The following GRID2 variants were observed in gnomAD, a reference collection of about 807,000 sequenced individuals.
GRID2 encodes glutamate receptor ionotropic, delta-2.
GRID2 carries 33 observed loss-of-function variants against 114.8 expected under a neutral mutation model. The ratio of observed to expected loss-of-function variants is 0.29; its 90% CI spans 0.22 to 0.38. The LOEUF (loss-of-function observed/expected upper bound fraction) is 0.38, where lower values mean the gene tolerates loss of function less well. Among genes scored for constraint, GRID2 ranks in the 10% least tolerant of loss-of-function variants. The pLI is 1.00. For synonymous variants in GRID2, 505 were observed against 449.9 expected, an observed-to-expected ratio of 1.12 and a Z score of -1.55; for missense variants, 1,184 against 1,257.7, an observed-to-expected ratio of 0.94 and a Z score of 0.89.
At chr4:93,470,620 A>G (rs1724710654) in intron 11 of GRID2, among the ~76,000 whole-genome samples, 1 of 152,116 alleles carries the variant, frequency 6.6e-6, no homozygotes, top group African/African-American at 2.4e-5. Context: ...CATATTACAT[A>G]CGTGTGTGTA....
chr4:93,708,345 C>G (rs1288556344), intron 14 of GRID2, among the ~76,000 whole-genome samples: 1 of 151,920 alleles, frequency 6.6e-6, no homozygotes, highest in Non-Finnish European at 1.5e-5. Flanking sequence ...CTCTTTAGCT[C>G]TAATAATATT....
chr4:93,178,019 CTTT>C (rs895689517), intron 4 of GRID2, among the ~76,000 whole-genome samples: 7 of 151,648 alleles, frequency 4.6e-5, no homozygotes, highest in African/African-American at 1.5e-4. Context: ...ATTTCTCTCT[CTTT>C]GCTACCTTCG....
At chr4:93,542,942 A>G (rs1414288436) in intron 13 of GRID2, among the ~76,000 whole-genome samples, 2 of 152,158 alleles carry the variant, frequency 1.3e-5, no homozygotes, top group Non-Finnish European at 2.9e-5. Flanking sequence ...ATGAGCTTAC[A>G]GGTCATGAAA....
intron 10 of GRID2, among the ~76,000 whole-genome samples, chr4:93,436,982 T>C (rs1721146246): frequency 6.6e-6 from 1 of 152,156 alleles, no homozygotes; most frequent in African/African-American, 2.4e-5. Context: ...ATGTGTTATA[T>C]ATGCTTGGAA....
At chr4:92,812,873 C>G (rs369244719) in intron 2 of GRID2, among the ~76,000 whole-genome samples, 3 of 152,098 alleles carry the variant, frequency 2.0e-5, no homozygotes, top group African/African-American at 7.2e-5. Flanking sequence ...AGGTGTCTGA[C>G]AGTTCAGTCT....
At chr4:93,505,942 T>C (rs940020792) in intron 12 of GRID2, among the ~76,000 whole-genome samples, 6 of 152,160 alleles carry the variant, frequency 3.9e-5, no homozygotes, top group African/African-American at 1.4e-4. Context: ...CTCTTGCATC[T>C]GTATAACACC....
At chr4:92,946,491 T>TCCC (rs111410422) in intron 2 of GRID2, among the ~76,000 whole-genome samples, 1 of 151,886 alleles carries the variant, frequency 6.6e-6, no homozygotes, top group African/African-American at 2.4e-5. Flanking sequence ...TACCTTTTCT[T>TCCC]CCCCCCCAAA....
At chr4:92,864,084 A>C (rs1007216893) in intron 2 of GRID2, among the ~76,000 whole-genome samples, 2 of 152,206 alleles carry the variant, frequency 1.3e-5, no homozygotes, top group Non-Finnish European at 2.9e-5. Flanking sequence ...GTGTCTATCC[A>C]TAAATCATTT....
chr4:93,235,728 A>G (rs1746708604), intron 7 of GRID2, among the ~76,000 whole-genome samples: 1 of 152,208 alleles, frequency 6.6e-6, no homozygotes, highest in Admixed American at 6.6e-5. Context: ...TGAGCAAGGT[A>G]AGTAAATGCT....
rs574899858 is a variant in GRID2 at position 93,434,567 on chromosome 4, A to T, written c.1545+11599A>T. 4.6e-5 allele frequency among the ~76,000 whole-genome samples: 7 copies of T among 152,260 alleles called. No homozygotes were observed. The East Asian group carries it at 1.4e-3, about 29-fold the overall frequency. ...AGAAAACAAAAACAAAAACAAAAAA[A>T]AACAGCCTTTATTTCCATTTTCCCC... On this transcript the variant is annotated intron_variant, in intron 10 of 15. Coordinates refer to ENST00000282020, the MANE Select transcript of GRID2 (RefSeq NM_001510.4).
chr4:93,339,686 G>C (rs929838630), intron 8 of GRID2, among the ~76,000 whole-genome samples: 2 of 152,050 alleles, frequency 1.3e-5, no homozygotes, highest in African/African-American at 4.8e-5. Flanking sequence ...TTCTTTATCT[G>C]TATTAGCTCA....
At chr4:92,512,333 G>T (rs185582744) in intron 1 of GRID2, among the ~76,000 whole-genome samples, 2 of 151,866 alleles carry the variant, frequency 1.3e-5, no homozygotes, top group East Asian at 3.9e-4. Flanking sequence ...CTCTAAGCAT[G>T]GTTGTATAAA....
chr4:93,407,783 C>T (rs1371904988), intron 9 of GRID2, among the ~76,000 whole-genome samples: 6 of 82,132 alleles, frequency 7.3e-5, no homozygotes, highest in Non-Finnish European at 1.1e-4. Flanking sequence ...TCCTCATCCT[C>T]CTCGTCCTCC....
intron 4 of GRID2, among the ~76,000 whole-genome samples, chr4:93,169,398 TCA>T (rs1403723468): frequency 2.0e-5 from 3 of 152,188 alleles, no homozygotes; most frequent in African/African-American, 4.8e-5. Flanking sequence ...AATATGATAT[TCA>T]CAGTCTTACC....
chr4:92,591,532 A>G (rs1436690638), intron 2 of GRID2, among the ~76,000 whole-genome samples: 1 of 152,202 alleles, frequency 6.6e-6, no homozygotes, highest in Non-Finnish European at 1.5e-5. Context: ...AAAGGCAGAT[A>G]CCATATTAAC....
rs1232210159 is a variant in GRID2 at position 92,846,007 on chromosome 4, C to T, written c.245-238988C>T. Among the ~76,000 whole-genome samples, 4 of 152,140 alleles carry T rather than the reference C, an allele frequency of 2.6e-5. No homozygotes were observed. In the East Asian group the frequency reaches 7.7e-4, roughly 29 times the overall value. On this transcript the variant is annotated intron_variant, in intron 2 of 15. Transcript: ENST00000282020. ...CAAAGCTATTTAGGTTTTTTACCTC[C>T]ATTTTTGTCACTAGAGAAATCTATC... is the stretch of plus-strand genomic sequence containing the variant.
At chr4:93,336,624 C>T (rs1480887321) in intron 8 of GRID2, among the ~76,000 whole-genome samples, 2 of 152,158 alleles carry the variant, frequency 1.3e-5, no homozygotes, top group East Asian at 3.9e-4. Context: ...TTGACAATTG[C>T]TCCCCAAGGT....
At chr4:93,289,978 T>C (rs1561090672) in intron 8 of GRID2, among the ~76,000 whole-genome samples, 1 of 152,190 alleles carries the variant, frequency 6.6e-6, no homozygotes, top group Non-Finnish European at 1.5e-5. Context: ...GCAGCCAAGA[T>C]AGAGTTCAGA....
intron 11 of GRID2, among the ~76,000 whole-genome samples, chr4:93,479,219 T>C (rs1290195856): frequency 1.3e-5 from 2 of 152,016 alleles, no homozygotes; most frequent in Non-Finnish European, 2.9e-5. Context: ...ACTTTATTGC[T>C]AAAAAATGCT....
Sources: allele counts gnomAD v4.1 joint callset (sites outside exome capture counted in the v4.1 genomes callset), GRCh38; gene constraint gnomAD v4.1.1; transcripts MANE v1.5; gene names NCBI Gene and HGNC (gene_info 2026-07-23, HGNC 2026-07-21).